Variants in ESRRB observed in about 807,000 individuals in gnomAD.
ESRRB encodes the protein steroid hormone receptor ERR2.
A neutral mutation model predicts 46.0 loss-of-function variants in ESRRB; 16 were observed. The ratio of observed to expected loss-of-function variants is 0.35; its 90% CI spans 0.24 to 0.53. The LOEUF (loss-of-function observed/expected upper bound fraction) is 0.53, where lower values mean the gene tolerates loss of function less well. Among genes scored for constraint, ESRRB ranks in the 20% least tolerant of loss-of-function variants. ESRRB has a pLI of 0.93. For missense variants in ESRRB, 488 were observed against 607.4 expected (o/e 0.80, Z 2.07); for synonymous variants, 246 against 259.6 (o/e 0.95, Z 0.50).
chr14:76,354,105 C>G (rs961156947), intron 1 of ESRRB, among the ~76,000 whole-genome samples: 1 of 152,108 alleles, frequency 6.6e-6, no homozygotes, highest in Admixed American at 6.5e-5. Flanking sequence ...GGTCCTGCTC[C>G]CTTGCTTTGC....
At chr14:76,474,810 C>CT (rs1566606403) in intron 3 of ESRRB, among the ~76,000 whole-genome samples, 1 of 145,180 alleles carries the variant, frequency 6.9e-6, no homozygotes, top group African/African-American at 2.6e-5. Context: ...AACTGCGACC[C>CT]TGTCTCAAAC....
chr14:76,362,697 C>T (rs1884478082), intron 1 of ESRRB, among the ~76,000 whole-genome samples: 1 of 152,178 alleles, frequency 6.6e-6, no homozygotes, highest in Non-Finnish European at 1.5e-5. Flanking sequence ...TCTAGAGATG[C>T]TGTTTTCATT....
chr14:76,374,088 C>T (rs1039551102), upstream of ESRRB, among the ~76,000 whole-genome samples: 6 of 152,176 alleles, frequency 3.9e-5, no homozygotes, highest in Admixed American at 3.9e-4. Flanking sequence ...GGGCAGCGGC[C>T]TGTCACTCAG....
chr14:76,357,413 C>A (rs1884395340), intron 1 of ESRRB, among the ~76,000 whole-genome samples: 2 of 152,306 alleles, frequency 1.3e-5, no homozygotes, highest in South Asian at 4.1e-4. Flanking sequence ...AGGTTCATTG[C>A]AGAATAGAAG....
chr14:76,380,075 G>A (rs1391328587), intron 1 of ESRRB, among the ~76,000 whole-genome samples: 1 of 152,102 alleles, frequency 6.6e-6, no homozygotes, highest in Non-Finnish European at 1.5e-5. Flanking sequence ...TAGCTCGGGG[G>A]CCCTTATAAC....
chr14:76,423,704 T>C (rs891295020), intron 1 of ESRRB, among the ~76,000 whole-genome samples: 8 of 152,178 alleles, frequency 5.3e-5, no homozygotes, highest in African/African-American at 1.7e-4. Flanking sequence ...CTAACCCTCC[T>C]TACTCATTCA....
chr14:76,489,975 G>A (rs1024000120), intron 5 of ESRRB, among the ~76,000 whole-genome samples: 1 of 152,206 alleles, frequency 6.6e-6, no homozygotes, highest in Non-Finnish European at 1.5e-5. Flanking sequence ...TGATGGCGCC[G>A]GGAGAGGTGC....
chr14:76,388,032 A>G (rs1187778740), intron 1 of ESRRB, among the ~76,000 whole-genome samples: 1 of 152,184 alleles, frequency 6.6e-6, no homozygotes, highest in Non-Finnish European at 1.5e-5. Flanking sequence ...AAACTGAGGT[A>G]CAGAGACGTT....
intron 1 of ESRRB, among the ~76,000 whole-genome samples, chr14:76,332,570 TTTATATATTATATATTTATATA>T (rs1566853046): frequency 3.9e-4 from 12 of 30,996 alleles, no homozygotes; most frequent in Non-Finnish European, 4.9e-4. Flanking sequence ...TATTTATATA[TTTATATATTATATATTTATATA>T]TTATATATTA....
intron 1 of ESRRB, among the ~76,000 whole-genome samples, chr14:76,424,341 A>G (rs1039814671): frequency 2.6e-5 from 4 of 152,058 alleles, no homozygotes; most frequent in African/African-American, 7.2e-5. Flanking sequence ...AGACTGAAAA[A>G]TTGAGTCAGG....
rs532594698 is a variant in ESRRB at position 76,355,461 on chromosome 14, G to A, written c.2+44545G>A. The stretch of plus-strand genomic sequence containing the variant: ...CCAAGTCACTTGTTTCGTCTGCCAC[G>A]TCCCCACAGTACTCCATCCAAGCCA... On this transcript the variant is annotated intron_variant, in intron 1 of 6. Transcript: ENST00000512784. Among the ~76,000 whole-genome samples, 27 of 152,124 alleles carry A rather than the reference G, an allele frequency of 1.8e-4. No homozygotes were observed. In the South Asian group the frequency reaches 3.3e-3, roughly 19 times the overall value.
chr14:76,462,698 C>T (rs1306994591), intron 3 of ESRRB, 37 bp downstream of exon 3: 1 of 1,491,566 alleles, frequency 6.7e-7, no homozygotes, highest in Non-Finnish European at 9.4e-7. Flanking sequence ...CACTGTGAGG[C>T]TCTGCTTGCT....
chr14:76,410,226 A>C (rs1886376355), intron 1 of ESRRB, among the ~76,000 whole-genome samples: 1 of 152,004 alleles, frequency 6.6e-6, no homozygotes. Flanking sequence ...AGGTCTCAAA[A>C]CAAACAAACA....
chr14:76,444,678 C>T (rs976981668), intron 2 of ESRRB, among the ~76,000 whole-genome samples: 3 of 152,126 alleles, frequency 2.0e-5, no homozygotes, highest in South Asian at 4.2e-4. Context: ...GGAGCCACTG[C>T]GCCTGGCCCA....
At chr14:76,357,093 C>T (rs192636938) in intron 1 of ESRRB, among the ~76,000 whole-genome samples, 2,138 of 149,612 alleles carry the variant, frequency 0.014, 49 homozygotes, top group African/African-American at 0.049. Flanking sequence ...TACTAGTATC[C>T]GCCACTCCTC....
intron 1 of ESRRB, among the ~76,000 whole-genome samples, chr14:76,324,204 A>G (rs1883900893): frequency 6.6e-6 from 1 of 152,192 alleles, no homozygotes; most frequent in South Asian, 2.1e-4. Context: ...GCCTCAGCCT[A>G]TCCAGGAGCA....
At chr14:76,371,399 A>C (rs1427374985), upstream of ESRRB, 2 of 152,278 alleles carry the variant, frequency 1.3e-5, no homozygotes, top group Non-Finnish European at 2.9e-5. Context: ...CCCATGGAGC[A>C]CTGTCCTCAG....
In ESRRB at chr14:76,501,636, T is replaced by C. The variant is rs1373960415; in HGVS notation, c.*3178T>C. On this transcript the variant is annotated 3_prime_UTR_variant, in exon 7 of 7. Transcript: ENST00000644823. ...ACTATGTGGAAAGATTGTTTTATTT[T>C]CTAATAATGATAATATGGCTGGAAT... 2 of 152,206 alleles carry C rather than the reference T, an allele frequency of 1.3e-5. No homozygotes were observed. Among genetic ancestry groups the C allele is most frequent in the Admixed American group, 6.5e-5 (1 of 15,280 alleles). 9.4% of individuals were successfully genotyped at this position (152,206 alleles called of 1,614,324 possible). A position where few individuals can be genotyped will look rare whatever the true frequency, so the allele number is the denominator to read the frequency against.
chr14:76,370,776 G>A (rs1308303750), upstream of ESRRB, among the ~76,000 whole-genome samples: 2 of 152,118 alleles, frequency 1.3e-5, no homozygotes, highest in African/African-American at 2.4e-5. Flanking sequence ...TTGTTTCTAT[G>A]GAGAGACAAA....
Sources: gnomAD v4.1 joint callset for allele counts (sites outside exome capture counted in the v4.1 genomes callset) on GRCh38, gnomAD v4.1.1 for gene constraint, MANE v1.5 for transcripts, NCBI Gene and HGNC (gene_info 2026-07-23, HGNC 2026-07-21) for gene names.